The following NEO1 variants were observed in gnomAD, a reference collection of about 807,000 sequenced individuals.
The protein encoded by NEO1 is neogenin 1.
Under a neutral mutation model 159.7 loss-of-function variants are expected in NEO1, and 63 were observed. The ratio of observed to expected loss-of-function variants is 0.39; its 90% confidence interval spans 0.32 to 0.49. NEO1 has a LOEUF of 0.49. Among genes scored for constraint, NEO1 ranks in the 20% least tolerant of loss-of-function variants. NEO1 has a pLI of 0.85. For synonymous variants in NEO1, 633 were observed against 662.0 expected (o/e 0.96, Z 0.67); for missense variants, 1,615 against 1,831.0 (o/e 0.88, Z 2.15).
chr15:73,061,451 A>G (rs2151249495), intron 1 of NEO1, among the ~76,000 whole-genome samples: 1 of 152,240 alleles, frequency 6.6e-6, no homozygotes, highest in East Asian at 1.9e-4. Context: ...TCAAATTAGT[A>G]AGGGTTCAGG....
intron 5 of NEO1, among the ~76,000 whole-genome samples, chr15:73,139,422 A>G (rs900160868): frequency 6.6e-6 from 1 of 152,234 alleles, no homozygotes; most frequent in Non-Finnish European, 1.5e-5. Context: ...TTGCAAACCA[A>G]TGAAAACAGA....
chr15:73,086,790 G>C (rs1356374864), intron 1 of NEO1, among the ~76,000 whole-genome samples: 1 of 101,696 alleles, frequency 9.8e-6, no homozygotes, highest in African/African-American at 5.0e-5. Context: ...GAGTAGCTAG[G>C]ATTACAGGCA....
chr15:73,266,292 T>A (rs569407807), intron 15 of NEO1, 24 bp from the exon 16 acceptor site: 16 of 1,579,546 alleles, frequency 1.0e-5, no homozygotes, highest in African/African-American at 2.7e-5. Context: ...AGCATTTTTT[T>A]AATGTGTGTT....
At chr15:73,216,965 T>G (rs1322679200) in intron 7 of NEO1, among the ~76,000 whole-genome samples, 1 of 151,688 alleles carries the variant, frequency 6.6e-6, no homozygotes, top group South Asian at 2.1e-4. Flanking sequence ...TGGCTTTTGT[T>G]GCCATTGCTT....
intron 9 of NEO1, among the ~76,000 whole-genome samples, chr15:73,244,954 CAAAAAAAAAA>C (rs57566986): frequency 0.011 from 177 of 16,524 alleles, 2 homozygotes; most frequent in African/African-American, 0.033. Context: ...GACTCTGTCT[CAAAAAAAAAA>C]AAAAAAAAAA....
At chr15:73,055,415 A>AT in intron 1 of NEO1, among the ~76,000 whole-genome samples, 1 of 151,560 alleles carries the variant, frequency 6.6e-6, no homozygotes, top group East Asian at 1.9e-4. Context: ...CCCTTCTTAC[A>AT]TTTTTTCCTC....
chr15:73,211,923 A>G (rs1046751641), intron 7 of NEO1, among the ~76,000 whole-genome samples: 12 of 152,192 alleles, frequency 7.9e-5, no homozygotes, highest in Admixed American at 5.2e-4. Context: ...AGTATTGGTC[A>G]GGTATTTTGT....
chr15:73,130,675 C>T (rs1023306191), intron 4 of NEO1, among the ~76,000 whole-genome samples: 5 of 152,172 alleles, frequency 3.3e-5, no homozygotes, highest in Admixed American at 2.6e-4. Context: ...GACTTTTATC[C>T]TAGCCAGGCA....
intron 1 of NEO1, among the ~76,000 whole-genome samples, chr15:73,068,241 T>C (rs1056893071): frequency 8.4e-6 from 1 of 119,042 alleles, no homozygotes; most frequent in African/African-American, 2.9e-5. Flanking sequence ...CCCTTTTTTT[T>C]TGAGACAGTG....
In NEO1 at chr15:73,249,700, G is replaced by A; in HGVS notation, c.1873G>A (p.Ala625Thr). The change falls in exon 11 of 29, where the codon GCT (alanine) becomes ACT (threonine). Residue 625 changes from alanine (A) to threonine (T), a missense_variant. Physicochemically the swap from Ala to Thr is moderately conservative, Grantham distance 58. Transcript: ENST00000261908. ...HGPGVSTPDV[A>T]VRTLSDVPSA... is the part of the protein sequence containing the mutation. ...TCCTGGAGTTTCCACACCAGATGTT[G>A]CTGTTCGAACATTGTCAGATGGTGA... 1 of 1,612,454 alleles carries A rather than the reference G, an allele frequency of 6.2e-7. No individual in the cohort carries two copies.
intron 5 of NEO1, among the ~76,000 whole-genome samples, chr15:73,148,149 T>C (rs548491451): frequency 6.6e-6 from 1 of 152,292 alleles, no homozygotes; most frequent in Admixed American, 6.5e-5. Flanking sequence ...TACCTTATTT[T>C]TATTGAACCA....
chr15:73,123,920 A>G (rs544333935), intron 3 of NEO1, among the ~76,000 whole-genome samples: 6 of 152,272 alleles, frequency 3.9e-5, no homozygotes, highest in South Asian at 2.1e-4. Flanking sequence ...GGTGTTCCTA[A>G]TAGCCCTTCA....
chr15:73,254,497 A>G (rs760395876), intron 12 of NEO1, among the ~76,000 whole-genome samples, 185 bp from the exon 13 acceptor site: 1 of 152,138 alleles, frequency 6.6e-6, no homozygotes, highest in Non-Finnish European at 1.5e-5. Context: ...TTCCCATTTG[A>G]TCATTGAGGG....
chr15:73,295,589 A>G (rs751545467), intron 26 of NEO1, among the ~76,000 whole-genome samples: 3 of 152,106 alleles, frequency 2.0e-5, no homozygotes, highest in African/African-American at 4.8e-5. Flanking sequence ...AATTTGCATT[A>G]CTGAGAGAGG....
chr15:73,114,189 T>C (rs1366645548), intron 1 of NEO1, among the ~76,000 whole-genome samples: 2 of 152,032 alleles, frequency 1.3e-5, no homozygotes, highest in African/African-American at 2.4e-5. Context: ...GAGAACTGAC[T>C]GAAAAGGAGT....
rs779808194 is a variant in NEO1, at chr15:73,278,179, A to T, written c.3242A>T (p.Asp1081Val). 7 of 1,613,012 alleles carry T rather than the reference A, an allele frequency of 4.3e-6. No homozygotes were observed. The East Asian group carries it at 6.7e-5, about 15-fold the overall frequency. ...AGCCGGCTGCCAGACCTAGGATCCG[A>T]CTACAAACCTCCAATGAGCGGTAAA... ...KGSRLPDLGSDYKPPMSGSNS... is the reference protein window; with the variant it reads ...KGSRLPDLGSVYKPPMSGSNS... Residue 1081 changes from aspartate to valine, a missense_variant, in exon 22 of 29, where the codon GAC (aspartate) becomes GTC (valine). Transcript: ENST00000261908.
intron 6 of NEO1, among the ~76,000 whole-genome samples, chr15:73,177,123 A>G (rs2035323188): frequency 6.6e-6 from 1 of 152,222 alleles, no homozygotes; most frequent in African/African-American, 2.4e-5. Context: ...GCATTTAAAA[A>G]GTGTCAAGTG....
chr15:73,053,294 TC>T (rs1329258682), intron 1 of NEO1, among the ~76,000 whole-genome samples: 1 of 152,096 alleles, frequency 6.6e-6, no homozygotes, highest in African/African-American at 2.4e-5. Flanking sequence ...CTGGCTAGTC[TC>T]GAGGGACTCC....
intron 5 of NEO1, among the ~76,000 whole-genome samples, chr15:73,167,060 G>A (rs2034617903): frequency 6.7e-6 from 1 of 148,802 alleles, no homozygotes; most frequent in African/African-American, 2.5e-5. Context: ...TCACTCATAG[G>A]TGGGAATTGA....
Sources: gnomAD v4.1 joint callset for allele counts (sites outside exome capture counted in the v4.1 genomes callset) on GRCh38, gnomAD v4.1.1 for gene constraint, MANE v1.5 for transcripts, NCBI Gene and HGNC (gene_info 2026-07-23, HGNC 2026-07-21) for gene names.